Variants in TBC1D4 observed in about 807,000 individuals in gnomAD.
TBC1D4 encodes TBC (Tre-2, BUB2, CDC16) domain-containing protein.
A neutral mutation model predicts 142.5 loss-of-function variants in TBC1D4; 121 were observed. The ratio of observed to expected loss-of-function variants is 0.85; its 90% CI spans 0.73 to 0.99. The LOEUF (loss-of-function observed/expected upper bound fraction) is 0.99, where lower values mean the gene tolerates loss of function less well. Among genes scored for constraint, TBC1D4 ranks in the 50% least tolerant of loss-of-function variants. The pLI is 0.00. For missense variants in TBC1D4, 1,475 were observed against 1,606.6 expected (o/e 0.92, Z 1.40); for synonymous variants, 630 against 628.2 (o/e 1.00, Z -0.04).
chr13:75,481,209 G>GCCCC, intron 1 of TBC1D4, 61 bp downstream of exon 1: 2 of 731,676 alleles, frequency 2.7e-6, no homozygotes, highest in Non-Finnish European at 4.3e-6. Context: ...CGCCCCTCCC[G>GCCCC]CCCTGCTCCC....
intron 8 of TBC1D4, among the ~76,000 whole-genome samples, chr13:75,331,802 C>T (rs1158490391): frequency 6.7e-6 from 1 of 149,476 alleles, no homozygotes. Context: ...ATGAGCTAAA[C>T]TCCAAAACTG....
chr13:75,442,315 G>C (rs999401321), intron 1 of TBC1D4, among the ~76,000 whole-genome samples: 5 of 152,076 alleles, frequency 3.3e-5, no homozygotes, highest in African/African-American at 1.2e-4. Flanking sequence ...AGTGTTCAGA[G>C]GAGAATCTAG....
chr13:75,437,241 G>A (rs1886836202), intron 1 of TBC1D4, among the ~76,000 whole-genome samples: 1 of 152,090 alleles, frequency 6.6e-6, no homozygotes, highest in African/African-American at 2.4e-5. Flanking sequence ...CAATTTTTAT[G>A]GTAGCACGGT....
At chr13:75,371,701 T>C (rs776666334) in intron 1 of TBC1D4, among the ~76,000 whole-genome samples, 1 of 152,220 alleles carries the variant, frequency 6.6e-6, no homozygotes, top group Non-Finnish European at 1.5e-5. Context: ...TCAAGTATTT[T>C]AGGTAAAACT....
At chr13:75,308,504 T>C (rs1414761391) in intron 14 of TBC1D4, among the ~76,000 whole-genome samples, 1 of 152,218 alleles carries the variant, frequency 6.6e-6, no homozygotes. Flanking sequence ...GAATGAAGAA[T>C]CTAGCTAAGT....
intron 1 of TBC1D4, among the ~76,000 whole-genome samples, chr13:75,470,886 C>G (rs199977436): frequency 1.3e-5 from 2 of 151,816 alleles, no homozygotes; most frequent in East Asian, 3.9e-4. Context: ...ACTTGGGAGG[C>G]TGGGGCACAA....
intron 1 of TBC1D4, among the ~76,000 whole-genome samples, chr13:75,449,947 G>A (rs1162663024): frequency 6.6e-6 from 1 of 152,124 alleles, no homozygotes; most frequent in Non-Finnish European, 1.5e-5. Flanking sequence ...TAGACTGCCA[G>A]TGGTACCGTG....
intron 1 of TBC1D4, among the ~76,000 whole-genome samples, chr13:75,404,059 T>TATAC (rs781087838): frequency 1.4e-5 from 1 of 73,624 alleles, no homozygotes; most frequent in Non-Finnish European, 2.8e-5. Flanking sequence ...GGGATATATA[T>TATAC]ACATACACAC....
rs192779990 is a variant in TBC1D4 at position 75,456,450 on chromosome 13, T to C, written c.498+24820A>G. 7.9e-5 allele frequency among the ~76,000 whole-genome samples: 12 copies of C among 151,092 alleles called. No individual in the cohort carries two copies. In the East Asian group the frequency reaches 1.7e-3, roughly 22 times the overall value. On this transcript the variant is annotated intron_variant, in intron 1 of 20. Transcript: ENST00000377636. ...ACATATCCAGAATATTTAAAGAACT[T>C]CTACAAATCATAAGACAATTTTTTT...
intron 17 of TBC1D4, 140 bp downstream of exon 17, chr13:75,299,190 C>A: frequency 6.9e-7 from 1 of 1,459,544 alleles, no homozygotes; most frequent in Non-Finnish European, 9.3e-7. Context: ...ACTAAGTGAA[C>A]TAAAACATGC....
At chr13:75,372,953 T>G (rs990599483) in intron 1 of TBC1D4, among the ~76,000 whole-genome samples, 13 of 152,228 alleles carry the variant, frequency 8.5e-5, no homozygotes, top group African/African-American at 2.9e-4. Flanking sequence ...TCCTTCATCA[T>G]GAAATAGGAA....
intron 1 of TBC1D4, 64 bp downstream of exon 1, chr13:75,481,206 C>CCCCCCCCCCAA: frequency 2.5e-6 from 3 of 1,203,768 alleles, no homozygotes; most frequent in Non-Finnish European, 2.3e-6. Flanking sequence ...CCCCGCCCCT[C>CCCCCCCCCCAA]CCGCCCTGCT....
intron 1 of TBC1D4, among the ~76,000 whole-genome samples, chr13:75,473,170 G>A (rs1274561301): frequency 1.3e-5 from 2 of 151,244 alleles, no homozygotes; most frequent in Admixed American, 6.6e-5. Context: ...GCTAATTTTT[G>A]CTATTTTTTT....
intron 12 of TBC1D4, among the ~76,000 whole-genome samples, chr13:75,314,136 A>G (rs1878053242): frequency 1.3e-5 from 2 of 152,218 alleles, no homozygotes; most frequent in Middle Eastern, 3.2e-3. Flanking sequence ...TTTGAGACCA[A>G]TTATATTTGC....
At chr13:75,307,686 T>C (rs1311762872) in intron 14 of TBC1D4, among the ~76,000 whole-genome samples, 1 of 152,166 alleles carries the variant, frequency 6.6e-6, no homozygotes, top group African/African-American at 2.4e-5. Context: ...TCAAAAGACT[T>C]AAAATATCTT....
At chr13:75,437,124 T>C (rs1886832586) in intron 1 of TBC1D4, among the ~76,000 whole-genome samples, 1 of 152,148 alleles carries the variant, frequency 6.6e-6, no homozygotes, top group Non-Finnish European at 1.5e-5. Flanking sequence ...CATAAACAAA[T>C]GGATTCGATA....
At chr13:75,461,206 T>A (rs562738651) in intron 1 of TBC1D4, among the ~76,000 whole-genome samples, 2 of 152,338 alleles carry the variant, frequency 1.3e-5, no homozygotes, top group South Asian at 4.1e-4. Flanking sequence ...CAATCAGAGC[T>A]CAAATTCAGT....
At position 75,326,299 on chromosome 13, in the gene TBC1D4, C is replaced by A; in HGVS notation, c.1931G>T (p.Ser644Ile). ...PQFRRRAHTF[S>I]HPPSSTKRKL... The stretch of plus-strand genomic sequence containing the variant: ...TCTCTTTGTGCTTGAAGGTGGGTGG[C>A]TGAACGTGTGTGCCCGTCTTCGAAA... Residue 644 changes from serine (S) to isoleucine (I), a missense_variant, in exon 10 of 21, where the codon AGC (serine) becomes ATC (isoleucine). Around this residue, in one of 2 missense-constraint regions of TBC1D4, gnomAD observed 1,227 missense variants for 1,267.7 expected, o/e 0.97. Coordinates refer to ENST00000377636, the MANE Select transcript of TBC1D4 (RefSeq NM_014832.5). 6.2e-7 allele frequency: 1 copy of A among 1,614,148 alleles called. No individual in the cohort carries two copies. Among genetic ancestry groups the A allele is most frequent in the Non-Finnish European group, 8.5e-7 (1 of 1,180,038 alleles).
chr13:75,410,023 T>A (rs1885551498), intron 1 of TBC1D4, among the ~76,000 whole-genome samples: 1 of 152,334 alleles, frequency 6.6e-6, no homozygotes, highest in East Asian at 1.9e-4. Context: ...CTTAACCAAA[T>A]TTGCCACTTA....
Sources: gnomAD v4.1 joint callset for allele counts (sites outside exome capture counted in the v4.1 genomes callset) on GRCh38, gnomAD v4.1.1 for gene constraint, gnomAD v4.1.1 regional missense constraint, MANE v1.5 for transcripts, NCBI Gene and HGNC (gene_info 2026-07-23, HGNC 2026-07-21) for gene names.